The following ZRANB1 variants were observed in gnomAD, a reference collection of about 807,000 sequenced individuals.
ZRANB1 encodes the protein zinc finger RANBP2-type containing 1.
Under a neutral mutation model 80.5 loss-of-function variants are expected in ZRANB1, and 16 were observed. The ratio of observed to expected loss-of-function variants is 0.20; its 90% CI spans 0.13 to 0.30. ZRANB1 has a LOEUF of 0.30. Among genes scored for constraint, ZRANB1 ranks in the 10% least tolerant of loss-of-function variants. ZRANB1 has a pLI of 1.00. For missense variants in ZRANB1, 576 were observed against 862.6 expected (o/e 0.67, Z 4.16); for synonymous variants, 291 against 293.1 (o/e 0.99, Z 0.07).
At position 124,981,691 on chromosome 10, in the gene ZRANB1, A is replaced by G; in HGVS notation, c.1428-18A>G. On this transcript the variant is annotated intron_variant, in intron 5 of 8. Coordinates refer to ENST00000359653, the MANE Select transcript of ZRANB1 (RefSeq NM_017580.3). The stretch of plus-strand genomic sequence containing the variant: ...TAGAAGACTATTTATTTATTTTTTT[A>G]CTATCCTGCTTTTTTAGGTTTTACA... The G allele has an allele frequency of 1.3e-6, 2 of 1,582,428 alleles. No individual in the cohort carries two copies. Among genetic ancestry groups the G allele is most frequent in the Non-Finnish European group, 1.7e-6 (2 of 1,170,228 alleles).
upstream of ZRANB1, among the ~76,000 whole-genome samples, chr10:124,941,334 A>C (rs1951534834): frequency 6.6e-6 from 1 of 152,060 alleles, no homozygotes; most frequent in Non-Finnish European, 1.5e-5. Flanking sequence ...AGTAGTGTGA[A>C]TATCTTTTAA....
intron 2 of ZRANB1, among the ~76,000 whole-genome samples, chr10:124,970,691 T>C (rs1951816420): frequency 6.6e-6 from 1 of 152,150 alleles, no homozygotes; most frequent in Non-Finnish European, 1.5e-5. Flanking sequence ...TAAACCTTAC[T>C]CTTTGAGAAG....
chr10:124,971,901 A>G (rs1951829395), intron 2 of ZRANB1, 64 bp from the exon 3 acceptor site: 1 of 1,427,256 alleles, frequency 7.0e-7, no homozygotes, highest in Non-Finnish European at 9.3e-7. Context: ...TCTTTTAAAT[A>G]CTGTTGTTTT....
chr10:124,973,585 G>C (rs1951846618), intron 3 of ZRANB1, 60 bp from the exon 4 acceptor site: 1 of 1,428,834 alleles, frequency 7.0e-7, no homozygotes, highest in African/African-American at 1.4e-5. Flanking sequence ...GTGTAATTAA[G>C]TATAAGTTAA....
intron 1 of ZRANB1, 93 bp downstream of exon 1, chr10:124,943,400 G>T (rs546868578): frequency 1.3e-5 from 16 of 1,266,218 alleles, no homozygotes; most frequent in Non-Finnish European, 1.7e-5. Context: ...CACGTTTGTG[G>T]TCTTAGCCAC....
intron 1 of ZRANB1, among the ~76,000 whole-genome samples, chr10:124,959,245 G>A (rs565560707): frequency 1.1e-4 from 17 of 152,140 alleles, no homozygotes; most frequent in South Asian, 1.0e-3. Flanking sequence ...AGAAGGAATA[G>A]TGTTTCTATT....
intron 5 of ZRANB1, among the ~76,000 whole-genome samples, chr10:124,979,496 T>C (rs1213802633): frequency 1.3e-5 from 2 of 152,250 alleles, no homozygotes; most frequent in African/African-American, 4.8e-5. Flanking sequence ...CAGTGTCTTT[T>C]GAAATCACGA....
chr10:124,929,385 G>C, the ZRANB1 span, among the ~76,000 whole-genome samples: 1 of 151,452 alleles, frequency 6.6e-6, no homozygotes, highest in East Asian at 2.0e-4. Flanking sequence ...GCCCAGGCTG[G>C]AGTGCAGTGG....
At chr10:124,920,662 G>A in the ZRANB1 span, among the ~76,000 whole-genome samples, 1 of 151,814 alleles carries the variant, frequency 6.6e-6, no homozygotes, top group Non-Finnish European at 1.5e-5. Flanking sequence ...AATGTTCTGG[G>A]CCAAGAGAGG....
At chr10:124,962,991 C>A (rs539722502) in intron 1 of ZRANB1, among the ~76,000 whole-genome samples, 1 of 152,096 alleles carries the variant, frequency 6.6e-6, no homozygotes, top group Non-Finnish European at 1.5e-5. Flanking sequence ...TTTGGCTGGG[C>A]GTGGTGGCTC....
the ZRANB1 span, among the ~76,000 whole-genome samples, chr10:124,917,814 A>G: frequency 6.6e-6 from 1 of 152,180 alleles, no homozygotes; most frequent in Non-Finnish European, 1.5e-5. Flanking sequence ...AGCTAGTGGA[A>G]AGATTCGTCT....
At position 124,987,403 on chromosome 10, in the gene ZRANB1, C is replaced by CTAAT. The variant is rs1952080784; in HGVS notation, c.*2412_*2415dup. 1.3e-5 allele frequency: 2 copies of CTAAT among 151,878 alleles called. No homozygotes were observed. The highest frequency in any genetic ancestry group is 2.1e-4 in the South Asian group (1 of 4,808). 9.4% of individuals were successfully genotyped at this position (151,878 alleles called of 1,614,324 possible). ...AAATTTTTGTTTGGGCGACCAAGATCTAATAATTAAAACCCAGGTGGACCA... is the reference window on the plus strand; with the variant it reads ...AAATTTTTGTTTGGGCGACCAAGATCTAATTAATAATTAAAACCCAGGTGGACCA... On this transcript the variant is annotated 3_prime_UTR_variant, in exon 9 of 9. Coordinates refer to ENST00000359653, the MANE Select transcript of ZRANB1 (RefSeq NM_017580.3).
intron 1 of ZRANB1, among the ~76,000 whole-genome samples, chr10:124,943,715 C>A (rs535373320): frequency 6.6e-6 from 1 of 152,086 alleles, no homozygotes; most frequent in Non-Finnish European, 1.5e-5. Flanking sequence ...GCAGTGGAAA[C>A]GTTTAAGTTA....
chr10:124,962,123 TATG>T (rs1475628740), intron 1 of ZRANB1, among the ~76,000 whole-genome samples: 5 of 152,238 alleles, frequency 3.3e-5, no homozygotes, highest in African/African-American at 9.6e-5. Context: ...GCCAAATGCT[TATG>T]ATATAAAAAA....
chr10:124,963,659 TA>T (rs896551473), intron 1 of ZRANB1, among the ~76,000 whole-genome samples: 36 of 149,234 alleles, frequency 2.4e-4, no homozygotes, highest in African/African-American at 8.1e-4. Context: ...ATTATATGCG[TA>T]TGGGCCAAAT....
rs915175300 is a variant in ZRANB1 at position 124,983,072 on chromosome 10, C to A, written c.1549-103C>A. 1.6e-6 allele frequency: 2 copies of A among 1,228,842 alleles called. No homozygotes were observed. The highest frequency in any genetic ancestry group is 2.6e-5 in the Admixed American group (1 of 37,946). The allele number at this position is 1,228,842 out of a possible 1,614,324, so 76.1% of individuals were successfully genotyped here. A position where few individuals can be genotyped will look rare whatever the true frequency, so the allele number is the denominator to read the frequency against. ...TTGACAATCTTTTCTTTCTTAAAAACCAACTGCGATAGTATACTGAAGGGG... is the reference window on the plus strand; with the variant it reads ...TTGACAATCTTTTCTTTCTTAAAAAACAACTGCGATAGTATACTGAAGGGG... On this transcript the variant is annotated intron_variant, in intron 6 of 8. Transcript: ENST00000359653. This position sits in a 1 kb window ranked among gnomAD's most constrained non-coding sequence, Gnocchi z 6.2.
chr10:124,965,449 A>G (rs1372608703), intron 1 of ZRANB1, among the ~76,000 whole-genome samples: 1 of 152,190 alleles, frequency 6.6e-6, no homozygotes, highest in Non-Finnish European at 1.5e-5. Flanking sequence ...GTTCCTGTAT[A>G]TGATGAGGAT....
In ZRANB1 at chr10:124,987,610, T is replaced by C. The variant is rs530514810; in HGVS notation, c.*2618T>C. 15 of 152,268 alleles carry C rather than the reference T, an allele frequency of 9.9e-5. No homozygotes were observed. The highest frequency in any genetic ancestry group is 3.6e-4 in the African/African-American group (15 of 41,564). 9.4% of individuals were successfully genotyped at this position (152,268 alleles called of 1,614,324 possible). ...ACTACCTTTTTGTTCCCTGGGGTAA[T>C]AGGTCAGTAACTATGAGCGCCGTCT... On this transcript the variant is annotated 3_prime_UTR_variant, in exon 9 of 9. Coordinates refer to ENST00000359653, the MANE Select transcript of ZRANB1 (RefSeq NM_017580.3).
the ZRANB1 span, among the ~76,000 whole-genome samples, chr10:124,917,476 G>A: frequency 6.6e-6 from 1 of 152,024 alleles, no homozygotes; most frequent in Non-Finnish European, 1.5e-5. Flanking sequence ...ACGGCCCGGG[G>A]GCTGTGGGAG....
Sources: gnomAD v4.1 joint callset for allele counts (sites outside exome capture counted in the v4.1 genomes callset) on GRCh38, gnomAD v4.1.1 for gene constraint, Gnocchi (gnomAD v3.1) non-coding constraint, MANE v1.5 for transcripts, NCBI Gene and HGNC (gene_info 2026-07-23, HGNC 2026-07-21) for gene names.